FARP1: variants seen among roughly 807,000 people sequenced by gnomAD.
FARP1 encodes FERM, ARH/RhoGEF and pleckstrin domain protein 1.
FARP1 carries 52 observed loss-of-function variants against 128.8 expected under a neutral mutation model. The observed-to-expected ratio is 0.40, with a 90% CI of 0.32 to 0.51. The LOEUF (loss-of-function observed/expected upper bound fraction) is 0.51, where lower values mean the gene tolerates loss of function less well. Among genes scored for constraint, FARP1 ranks in the 20% least tolerant of loss-of-function variants. FARP1 has a pLI of 0.45. For synonymous variants in FARP1, 580 were observed against 551.8 expected (o/e 1.05, Z -0.72); for missense variants, 1,333 against 1,367.9 (o/e 0.97, Z 0.40).
chr13:98,373,703 C>A (rs1278148522), intron 5 of FARP1, among the ~76,000 whole-genome samples: 2 of 152,120 alleles, frequency 1.3e-5, no homozygotes, highest in African/African-American at 4.8e-5. Flanking sequence ...GCTGGTTATA[C>A]AATTGCTGCT....
chr13:98,373,529 GACAGACAC>G (rs1204844294), intron 5 of FARP1, among the ~76,000 whole-genome samples: 5 of 79,168 alleles, frequency 6.3e-5, no homozygotes, highest in South Asian at 3.7e-4. Context: ...GAGACAGACA[GACAGACAC>G]ACACACACAC....
chr13:98,423,855 G>A (rs1891682921), intron 16 of FARP1, among the ~76,000 whole-genome samples: 1 of 152,164 alleles, frequency 6.6e-6, no homozygotes, highest in Non-Finnish European at 1.5e-5. Context: ...TTCTCTCTGC[G>A]TTGATCCGTT....
intron 2 of FARP1, among the ~76,000 whole-genome samples, chr13:98,325,028 TG>T (rs1457705357): frequency 6.6e-6 from 1 of 152,216 alleles, no homozygotes; most frequent in Non-Finnish European, 1.5e-5. Context: ...GGATAGAGAA[TG>T]TGAAATAGAT....
chr13:98,399,094 A>C (rs2140084948), intron 13 of FARP1: 1 of 152,298 alleles, frequency 6.6e-6, no homozygotes, highest in East Asian at 1.9e-4. Flanking sequence ...GTACCAGGCA[A>C]GCAACTTAAT....
At chr13:98,287,740 A>G (rs184690000) in intron 2 of FARP1, among the ~76,000 whole-genome samples, 11 of 149,984 alleles carry the variant, frequency 7.3e-5, no homozygotes, top group African/African-American at 2.5e-4. Flanking sequence ...ATCCAATATG[A>G]TGTTTTGTGC....
chr13:98,280,897 T>C (rs1030551099), intron 2 of FARP1, among the ~76,000 whole-genome samples: 5 of 152,190 alleles, frequency 3.3e-5, no homozygotes, highest in African/African-American at 4.8e-5. Flanking sequence ...AAAGCAAAAA[T>C]ACAGAGAGGG....
chr13:98,388,622 G>A (rs996492569), intron 9 of FARP1, 144 bp downstream of exon 9: 89 of 657,512 alleles, frequency 1.4e-4, no homozygotes, highest in African/African-American at 1.3e-4. Flanking sequence ...AACGCCGAGC[G>A]TCTCTAGGAC....
At chr13:98,423,003 G>A (rs544475824) in intron 16 of FARP1, among the ~76,000 whole-genome samples, 2 of 152,340 alleles carry the variant, frequency 1.3e-5, no homozygotes, top group East Asian at 1.9e-4. Flanking sequence ...GAGCAAGGAG[G>A]CCAGTCTGAG....
rs1893393065 is a variant in FARP1 at position 98,455,140 on chromosome 13, T to C, written c.*6823T>C. The C allele has an allele frequency of 6.6e-6, 1 of 152,266 alleles. No individual in the cohort carries two copies. The allele number at this position is 152,266 out of a possible 1,614,324, so 9.4% of individuals were successfully genotyped here. The stretch of plus-strand genomic sequence containing the variant: ...CCTTATTGATGATTGTTGTTATTAA[T>C]GTTGAAATAATACTTTGGATCTGGC... On this transcript the variant is annotated 3_prime_UTR_variant, in exon 27 of 27. Transcript: ENST00000319562.
At chr13:98,294,702 A>G (rs1885585162) in intron 2 of FARP1, among the ~76,000 whole-genome samples, 1 of 152,152 alleles carries the variant, frequency 6.6e-6, no homozygotes, top group Admixed American at 6.5e-5. Context: ...AGTGAAAAGC[A>G]TTTTATTCTT....
intron 2 of FARP1, among the ~76,000 whole-genome samples, chr13:98,319,436 T>C (rs569812878): frequency 2.6e-5 from 4 of 152,266 alleles, no homozygotes; most frequent in Middle Eastern, 3.4e-3. Context: ...CTCGCTAACA[T>C]GGTGAAACCC....
chr13:98,208,124 A>G (rs1880407110), intron 1 of FARP1, among the ~76,000 whole-genome samples: 1 of 152,102 alleles, frequency 6.6e-6, no homozygotes, highest in Admixed American at 6.5e-5. Context: ...TTAGAAACAG[A>G]TGCTTAGAAA....
intron 2 of FARP1, among the ~76,000 whole-genome samples, chr13:98,284,079 T>C (rs1403285790): frequency 6.6e-6 from 1 of 152,240 alleles, no homozygotes; most frequent in Non-Finnish European, 1.5e-5. Context: ...AGTGCAGATA[T>C]ATCTAGAACA....
At position 98,448,233 on chromosome 13, in the gene FARP1, C is replaced by T. The variant is rs745769231; in HGVS notation, c.3057-3C>T. ...TTGACTAACTGGCGTTCCCGTGTTG[C>T]AGGTGGATGGAAGTGATCCGCAGTG... On this transcript the variant is annotated splice_region_variant and splice_polypyrimidine_tract_variant and intron_variant, in intron 26 of 26. Coordinates refer to ENST00000319562, the MANE Select transcript of FARP1 (RefSeq NM_005766.4). 1.2e-6 allele frequency: 2 copies of T among 1,613,142 alleles called. No homozygotes were observed. The highest frequency in any genetic ancestry group is 1.7e-4 in the Middle Eastern group (1 of 5,998).
At chr13:98,386,580 C>A (rs1191503985) in intron 8 of FARP1, among the ~76,000 whole-genome samples, 2 of 152,046 alleles carry the variant, frequency 1.3e-5, no homozygotes, top group African/African-American at 4.8e-5. Flanking sequence ...CCCACAAAAC[C>A]AACAGAATGA....
At chr13:98,308,283 T>A (rs1886274438) in intron 2 of FARP1, among the ~76,000 whole-genome samples, 1 of 152,042 alleles carries the variant, frequency 6.6e-6, no homozygotes, top group African/African-American at 2.4e-5. Flanking sequence ...TCAGCAAATA[T>A]TCAGTGAATC....
In FARP1 at chr13:98,448,258, G is replaced by A. The variant is rs1892985423; in HGVS notation, c.3079G>A (p.Ala1027Thr). The A allele has an allele frequency of 1.9e-6, 3 of 1,613,938 alleles. No individual in the cohort carries two copies. The highest frequency in any genetic ancestry group is 1.1e-5 in the South Asian group (1 of 91,078). Reference protein sequence around the residue: ...FERWMEVIRSATSSASRPHVL... With the variant: ...FERWMEVIRSTTSSASRPHVL... The stretch of plus-strand genomic sequence containing the variant: ...CAGGTGGATGGAAGTGATCCGCAGT[G>A]CCACCAGCTCTGCCTCGCGACCCCA... Residue 1027 changes from alanine (A) to threonine (T), a missense_variant, in exon 27 of 27, where the codon GCC becomes ACC. This residue lies in a region of FARP1 where 1,009 missense variants were observed against 969.8 expected (regional missense o/e 1.04). Transcript: ENST00000319562.
rs532804441 is a variant in FARP1 at position 98,339,691 on chromosome 13, A to G, written c.172-4071A>G. 3.9e-5 allele frequency among the ~76,000 whole-genome samples: 6 copies of G among 152,348 alleles called. No individual in the cohort carries two copies. In the East Asian group the frequency reaches 7.7e-4, roughly 20 times the overall value. On this transcript the variant is annotated intron_variant, in intron 2 of 26. Transcript: ENST00000319562. Reference sequence around the variant, plus strand: ...AAGCTATAAATATACTATTGAAACTATAAGTTGACATCACCCTATAAAAAT... The same window carrying G: ...AAGCTATAAATATACTATTGAAACTGTAAGTTGACATCACCCTATAAAAAT...
intron 2 of FARP1, among the ~76,000 whole-genome samples, chr13:98,278,703 C>G (rs1884786473): frequency 6.6e-6 from 1 of 152,208 alleles, no homozygotes; most frequent in African/African-American, 2.4e-5. Context: ...TTCTACATTT[C>G]TACCTTGTGG....
Sources: gnomAD v4.1 joint callset for allele counts (sites outside exome capture counted in the v4.1 genomes callset) on GRCh38, gnomAD v4.1.1 for gene constraint, gnomAD v4.1.1 regional missense constraint, MANE v1.5 for transcripts, NCBI Gene and HGNC (gene_info 2026-07-23, HGNC 2026-07-21) for gene names.